PDZRN4: variants seen among roughly 807,000 people sequenced by gnomAD.
The protein encoded by PDZRN4 is PDZ domain-containing RING finger protein 4.
Under a neutral mutation model 99.0 loss-of-function variants are expected in PDZRN4, and 70 were observed. The observed-to-expected ratio is 0.71, with a 90% CI of 0.58 to 0.86. The LOEUF (loss-of-function observed/expected upper bound fraction) is 0.86. PDZRN4 is among the 40% of genes least tolerant of loss of function. PDZRN4 has a pLI of 0.00. For missense variants in PDZRN4, 1,474 were observed against 1,331.2 expected (o/e 1.11, Z -1.67); for synonymous variants, 551 against 501.6 (o/e 1.10, Z -1.32).
intron 3 of PDZRN4, among the ~76,000 whole-genome samples, chr12:41,377,607 C>T (rs371125738): frequency 2.0e-5 from 3 of 151,688 alleles, no homozygotes; most frequent in East Asian, 3.9e-4. Flanking sequence ...GAGCTTGCAG[C>T]GAGCTGAGAT....
chr12:41,540,184 A>G (rs1030530197), intron 5 of PDZRN4, among the ~76,000 whole-genome samples: 3 of 152,208 alleles, frequency 2.0e-5, no homozygotes, highest in Admixed American at 2.0e-4. Context: ...ATGATTAATC[A>G]TTATGTATTT....
intron 3 of PDZRN4, among the ~76,000 whole-genome samples, chr12:41,282,249 C>A (rs1000750245): frequency 6.6e-6 from 1 of 151,980 alleles, no homozygotes; most frequent in African/African-American, 2.4e-5. Flanking sequence ...AGACTTTAAA[C>A]CAACAAAGAT....
chr12:41,220,783 A>G (rs1230089994), intron 3 of PDZRN4, among the ~76,000 whole-genome samples: 1 of 152,206 alleles, frequency 6.6e-6, no homozygotes, highest in Non-Finnish European at 1.5e-5. Context: ...AAGAAGGTAG[A>G]TCCATAATAA....
At chr12:41,324,126 G>A (rs1951695835) in intron 3 of PDZRN4, among the ~76,000 whole-genome samples, 1 of 151,960 alleles carries the variant, frequency 6.6e-6, no homozygotes, top group African/African-American at 2.4e-5. Flanking sequence ...ATTATGATAT[G>A]GAGTGATTGC....
At chr12:41,312,988 A>G (rs1255263533) in intron 3 of PDZRN4, among the ~76,000 whole-genome samples, 4 of 152,148 alleles carry the variant, frequency 2.6e-5, no homozygotes, top group Non-Finnish European at 4.4e-5. Flanking sequence ...CTCCGTCTGG[A>G]TGTCTCATAA....
chr12:41,275,216 T>A (rs1427453539), intron 3 of PDZRN4, among the ~76,000 whole-genome samples: 2 of 152,242 alleles, frequency 1.3e-5, no homozygotes, highest in Admixed American at 6.5e-5. Flanking sequence ...TTAATTAAAG[T>A]CTCTGATAAA....
At chr12:41,280,919 GA>G (rs1035043097) in intron 3 of PDZRN4, among the ~76,000 whole-genome samples, 10 of 152,172 alleles carry the variant, frequency 6.6e-5, no homozygotes, top group African/African-American at 2.4e-4. Flanking sequence ...TCCTGACTAG[GA>G]GACACCTCCC....
chr12:41,517,116 CAAAT>C (rs1227755928), intron 5 of PDZRN4, among the ~76,000 whole-genome samples: 2 of 151,958 alleles, frequency 1.3e-5, no homozygotes, highest in Non-Finnish European at 2.9e-5. Flanking sequence ...TTTCATAAAA[CAAAT>C]AAGAAGCAAA....
At chr12:41,571,376 T>TCTCTCTCA (rs1303597271) in intron 9 of PDZRN4, among the ~76,000 whole-genome samples, 1,259 of 65,448 alleles carry the variant, frequency 0.019, 22 homozygotes, top group Middle Eastern at 0.073. Context: ...TCTCTCTCTC[T>TCTCTCTCA]CACACACACA....
chr12:41,315,316 C>T (rs551962919), intron 3 of PDZRN4, among the ~76,000 whole-genome samples: 1 of 152,158 alleles, frequency 6.6e-6, no homozygotes, highest in South Asian at 2.1e-4. Flanking sequence ...CTGTCATGAT[C>T]ACCATAGTGA....
chr12:41,346,294 C>A (rs531398353), intron 3 of PDZRN4, among the ~76,000 whole-genome samples: 1 of 152,048 alleles, frequency 6.6e-6, no homozygotes, highest in Non-Finnish European at 1.5e-5. Flanking sequence ...AACCCCGTCT[C>A]TACTAAAAAT....
At chr12:41,488,211 G>A (rs932391896) in intron 3 of PDZRN4, among the ~76,000 whole-genome samples, 1 of 152,190 alleles carries the variant, frequency 6.6e-6, no homozygotes, top group South Asian at 2.1e-4. Context: ...AGTCAGTGAA[G>A]TGTACGGATA....
chr12:41,427,376 G>A (rs891280911), intron 3 of PDZRN4, among the ~76,000 whole-genome samples: 2 of 152,040 alleles, frequency 1.3e-5, no homozygotes, highest in African/African-American at 4.8e-5. Flanking sequence ...GCAGGCACTG[G>A]GTAAAGTTCA....
intron 5 of PDZRN4, among the ~76,000 whole-genome samples, chr12:41,523,843 G>A (rs192930044): frequency 6.6e-6 from 1 of 152,196 alleles, no homozygotes. Flanking sequence ...TCCCTTGCTG[G>A]AAAGTACTAG....
At chr12:41,283,884 C>G (rs1951405266) in intron 3 of PDZRN4, among the ~76,000 whole-genome samples, 1 of 152,174 alleles carries the variant, frequency 6.6e-6, no homozygotes, top group Non-Finnish European at 1.5e-5. Flanking sequence ...CTATTTATGA[C>G]AGACCCACAG....
intron 3 of PDZRN4, among the ~76,000 whole-genome samples, chr12:41,358,721 T>C (rs1951944547): frequency 6.6e-6 from 1 of 152,026 alleles, no homozygotes; most frequent in Non-Finnish European, 1.5e-5. Context: ...AAGGTTTTCC[T>C]TTGACGCTAA....
intron 3 of PDZRN4, among the ~76,000 whole-genome samples, chr12:41,212,786 G>A (rs1950896690): frequency 6.6e-6 from 1 of 152,024 alleles, no homozygotes. Flanking sequence ...TCTTTGAAGA[G>A]TGACATTTAT....
chr12:41,545,038 T>G (rs1938922027), intron 5 of PDZRN4, among the ~76,000 whole-genome samples: 1 of 152,256 alleles, frequency 6.6e-6, no homozygotes, highest in South Asian at 2.1e-4. Flanking sequence ...TTCTCTTGCA[T>G]GAACTGGTAA....
intron 3 of PDZRN4, among the ~76,000 whole-genome samples, chr12:41,445,679 T>A (rs1952720437): frequency 9.4e-6 from 1 of 106,192 alleles, no homozygotes; most frequent in Non-Finnish European, 1.9e-5. Flanking sequence ...TTATAATTCA[T>A]GGGGAAAAGT....
Sources: gnomAD v4.1 joint callset for allele counts (sites outside exome capture counted in the v4.1 genomes callset) on GRCh38, gnomAD v4.1.1 for gene constraint, MANE v1.5 for transcripts, NCBI Gene and HGNC (gene_info 2026-07-23, HGNC 2026-07-21) for gene names.